ODR4: variants seen among roughly 807,000 people sequenced by gnomAD.
ODR4 encodes the protein odr-4 GPCR localization factor homolog, also known as protein odr-4 homolog.
In ODR4, 47 loss-of-function variants were observed where a neutral mutation model predicts 60.2. That is an observed-to-expected ratio of 0.78 (90% confidence interval 0.62 to 1.00). The LOEUF (loss-of-function observed/expected upper bound fraction) is 1.00. Among genes scored for constraint, ODR4 ranks in the 50% least tolerant of loss-of-function variants. ODR4 has a pLI of 0.00. For synonymous variants in ODR4, 178 were observed against 175.5 expected (o/e 1.01, Z -0.11); for missense variants, 488 against 530.8 (o/e 0.92, Z 0.79).
At chr1:186,376,453 C>T (rs1291091836) in intron 1 of ODR4, among the ~76,000 whole-genome samples, 1 of 152,114 alleles carries the variant, frequency 6.6e-6, no homozygotes. Flanking sequence ...TTAAATTATT[C>T]ATTGTAAATA....
At chr1:186,400,682 A>C (rs1660909309) in intron 11 of ODR4, 1 of 215,646 alleles carries the variant, frequency 4.6e-6, no homozygotes, top group African/African-American at 2.4e-5. Flanking sequence ...TAGTATGTTA[A>C]GTTTGATGGA....
the ODR4 span, among the ~76,000 whole-genome samples, chr1:186,433,844 G>T: frequency 6.6e-6 from 1 of 152,168 alleles, no homozygotes; most frequent in Non-Finnish European, 1.5e-5. Context: ...CTCCCAAAGT[G>T]CTGGGATTAT....
chr1:186,402,436 G>C (rs1228796804), intron 11 of ODR4, among the ~76,000 whole-genome samples: 2 of 147,650 alleles, frequency 1.4e-5, no homozygotes, highest in Non-Finnish European at 3.0e-5. Context: ...GTCTCTCTCT[G>C]TCACCCAGCC....
At chr1:186,400,761 C>T in intron 11 of ODR4, 3 of 293,070 alleles carry the variant, frequency 1.0e-5, no homozygotes, top group South Asian at 3.8e-5. Flanking sequence ...AACATTTATC[C>T]TTCTCGTAAT....
rs931428999 is a variant in ODR4, at chr1:186,420,693, A to G, written c.*1617A>G. 6.6e-6 allele frequency: 1 copy of G among 152,208 alleles called. No homozygotes were observed. The highest frequency in any genetic ancestry group is 1.5e-5 in the Non-Finnish European group (1 of 68,050). The allele number at this position is 152,208 out of a possible 1,614,324, so 9.4% of individuals were successfully genotyped here. On this transcript the variant is annotated 3_prime_UTR_variant, in exon 14 of 14. Coordinates refer to ENST00000287859, the MANE Select transcript of ODR4 (RefSeq NM_017847.6). Reference sequence around the variant, plus strand: ...ACAAGTGAACTAAACTATAAGCTGGATCTAAAGAAATTACCCAGTGAGCAG... The same window carrying G: ...ACAAGTGAACTAAACTATAAGCTGGGTCTAAAGAAATTACCCAGTGAGCAG...
chr1:186,390,620 T>C, intron 6 of ODR4, 91 bp from the exon 7 acceptor site: 1 of 1,333,972 alleles, frequency 7.5e-7, no homozygotes, highest in Non-Finnish European at 1.1e-6. Flanking sequence ...TTGTATGCGT[T>C]ATTTAGGTTG....
intron 1 of ODR4, among the ~76,000 whole-genome samples, chr1:186,379,240 C>A (rs546704223): frequency 6.6e-6 from 1 of 151,770 alleles, no homozygotes; most frequent in Middle Eastern, 3.4e-3. Flanking sequence ...GTCAGGAGTT[C>A]GAGACCAGCC....
In ODR4 at chr1:186,406,152, T is replaced by C. The variant is rs1285421987; in HGVS notation, c.1070T>C (p.Leu357Ser). 1.2e-6 allele frequency: 2 copies of C among 1,612,730 alleles called. No homozygotes were observed. The highest frequency in any genetic ancestry group is 1.7e-6 in the Non-Finnish European group (2 of 1,179,366). The change falls in exon 12 of 14, where the codon TTG becomes TCG. Residue 357 changes from leucine (L) to serine (S), a missense_variant. By Grantham distance (145) the Leu-to-Ser change is moderately radical. Transcript: ENST00000287859. The stretch of plus-strand genomic sequence containing the variant: ...CCCCTTCCTGGATCCACTGTAATGT[T>C]GTGTGATTATAAATTTGACGATGAG... Reference protein sequence around the residue: ...FVPLPGSTVMLCDYKFDDESA... With the variant: ...FVPLPGSTVMSCDYKFDDESA...
At chr1:186,396,793 A>ATATTAT (rs1241324948) in intron 9 of ODR4, among the ~76,000 whole-genome samples, 1 of 151,998 alleles carries the variant, frequency 6.6e-6, no homozygotes, top group Admixed American at 6.6e-5. Flanking sequence ...ATATTTACAT[A>ATATTAT]TACTAATATA....
intron 12 of ODR4, among the ~76,000 whole-genome samples, chr1:186,412,099 T>C (rs1661401227): frequency 6.6e-6 from 1 of 152,284 alleles, no homozygotes; most frequent in Non-Finnish European, 1.5e-5. Context: ...GCCTATTATG[T>C]ATTAGGATTC....
Position 186,417,632 on chromosome 1 carries a change from A to G in ODR4, c.1275A>G (p.Leu425=), listed in dbSNP as rs1448695405. The G allele has an allele frequency of 1.3e-6, 2 of 1,589,586 alleles. No individual in the cohort carries two copies. The highest frequency in any genetic ancestry group is 4.5e-5 in the East Asian group (2 of 44,406). The change falls in exon 13 of 14, where the codon TTA becomes TTG. Residue 425 remains leucine, a synonymous_variant. Coordinates refer to ENST00000287859, the MANE Select transcript of ODR4 (RefSeq NM_017847.6). The part of the protein sequence containing the change: ...QPKQPIKTTM[L]LKIQQNIGVI... ...AACAACCAATTAAAACTACAATGTT[A>G]TTGAAAATTCAGCAAAACATAGGTA...
chr1:186,414,254 G>A (rs1039986691), intron 12 of ODR4, among the ~76,000 whole-genome samples: 3 of 151,968 alleles, frequency 2.0e-5, no homozygotes, highest in African/African-American at 7.2e-5. Context: ...ATTTAAAAAT[G>A]GAAATAGGGC....
chr1:186,400,892 T>C (rs1478226896), intron 11 of ODR4: 2 of 634,530 alleles, frequency 3.2e-6, no homozygotes, highest in African/African-American at 1.9e-5. Flanking sequence ...CCTGTTCACA[T>C]AGTCCATCAG....
intron 12 of ODR4, among the ~76,000 whole-genome samples, chr1:186,410,963 C>T (rs949313615): frequency 1.5e-4 from 22 of 150,926 alleles, no homozygotes; most frequent in Non-Finnish European, 7.4e-5. Context: ...TGTGGTGAGC[C>T]AAGATCGTGC....
In ODR4 at chr1:186,381,363, G is replaced by C. The variant is rs140579026; in HGVS notation, c.99+1479G>C. Among the ~76,000 whole-genome samples, 22 of 146,640 alleles carry C rather than the reference G, an allele frequency of 1.5e-4. No individual in the cohort carries two copies. In the East Asian group the frequency reaches 4.3e-3, roughly 28 times the overall value. ...TTTTTTTTTGAGACGGAGTCTCGCT[G>C]TCGCCCAGGCTGGAGTGCAGTGGCG... On this transcript the variant is annotated intron_variant, in intron 2 of 13. Transcript: ENST00000287859.
At chr1:186,409,432 T>A (rs1265866840) in intron 12 of ODR4, among the ~76,000 whole-genome samples, 1 of 152,252 alleles carries the variant, frequency 6.6e-6, no homozygotes, top group South Asian at 2.1e-4. Flanking sequence ...CCTTAGCATG[T>A]CATAGGTATT....
intron 1 of ODR4, among the ~76,000 whole-genome samples, chr1:186,377,152 A>T (rs1284140657): frequency 6.6e-6 from 1 of 152,162 alleles, no homozygotes; most frequent in African/African-American, 2.4e-5. Flanking sequence ...ACCTAATACA[A>T]TGTAAATGCT....
At chr1:186,414,938 A>G (rs944308707) in intron 12 of ODR4, among the ~76,000 whole-genome samples, 2 of 152,200 alleles carry the variant, frequency 1.3e-5, no homozygotes, top group Non-Finnish European at 2.9e-5. Flanking sequence ...CTGAAGTTGG[A>G]AGAAATTTTA....
intron 9 of ODR4, among the ~76,000 whole-genome samples, chr1:186,394,490 C>A (rs1660596194): frequency 6.6e-6 from 1 of 152,068 alleles, no homozygotes. Flanking sequence ...ATTTACACGT[C>A]TTTTCGAAAA....
Sources: allele counts gnomAD v4.1 joint callset (sites outside exome capture counted in the v4.1 genomes callset), GRCh38; gene constraint gnomAD v4.1.1; transcripts MANE v1.5; gene names NCBI Gene and HGNC (gene_info 2026-07-23, HGNC 2026-07-21).